MACROD2: variants seen among roughly 807,000 people sequenced by gnomAD.
MACROD2 encodes mono-ADP ribosylhydrolase 2.
MACROD2 carries 36 observed loss-of-function variants against 70.4 expected under a neutral mutation model. The ratio of observed to expected loss-of-function variants is 0.51; its 90% confidence interval spans 0.39 to 0.68. The LOEUF (loss-of-function observed/expected upper bound fraction) is 0.68, where lower values mean the gene tolerates loss of function less well. Ranked by LOEUF, MACROD2 falls within the 30% of genes least tolerant of loss-of-function variation. MACROD2 has a pLI of 0.00. For missense variants in MACROD2, 496 were observed against 538.4 expected, an observed-to-expected ratio of 0.92 and a Z score of 0.78; for synonymous variants, 172 against 178.8, an observed-to-expected ratio of 0.96 and a Z score of 0.30.
intron 5 of MACROD2, among the ~76,000 whole-genome samples, chr20:14,756,324 C>G (rs1009456834): frequency 5.3e-5 from 8 of 152,066 alleles, no homozygotes; most frequent in African/African-American, 1.9e-4. Context: ...ATAGTATTGT[C>G]TGACCACTTT....
chr20:15,325,398 T>A (rs1234360508), intron 6 of MACROD2, among the ~76,000 whole-genome samples: 2 of 152,182 alleles, frequency 1.3e-5, no homozygotes, highest in South Asian at 4.1e-4. Flanking sequence ...CTTGTAACAT[T>A]TGAGGCTCCC....
intron 5 of MACROD2, among the ~76,000 whole-genome samples, chr20:15,192,444 G>C (rs1014800450): frequency 2.0e-5 from 3 of 152,180 alleles, no homozygotes; most frequent in African/African-American, 7.2e-5. Flanking sequence ...CTGTGAGAGT[G>C]ATGTAGACCT....
At chr20:14,028,017 G>T (rs533808264) in intron 2 of MACROD2, among the ~76,000 whole-genome samples, 2 of 152,282 alleles carry the variant, frequency 1.3e-5, no homozygotes, top group East Asian at 1.9e-4. Context: ...GCTCACAGCC[G>T]CCCCTTCCCC....
chr20:14,721,992 A>T (rs77990477), intron 5 of MACROD2, among the ~76,000 whole-genome samples: 1 of 152,176 alleles, frequency 6.6e-6, no homozygotes, highest in African/African-American at 2.4e-5. Context: ...TCTGGGGCTC[A>T]GTTCCTGACT....
chr20:15,115,621 C>T (rs185855461), intron 5 of MACROD2, among the ~76,000 whole-genome samples: 20 of 152,178 alleles, frequency 1.3e-4, no homozygotes, highest in African/African-American at 4.3e-4. Flanking sequence ...AATCAGAATC[C>T]TGATTCTAAA....
chr20:13,998,117 C>T (rs1184938397), intron 1 of MACROD2, among the ~76,000 whole-genome samples: 1 of 152,042 alleles, frequency 6.6e-6, no homozygotes, highest in East Asian at 1.9e-4. Flanking sequence ...AGAGAAAGGA[C>T]TCATTGTAAA....
chr20:14,000,006 C>G (rs184889311), intron 1 of MACROD2, among the ~76,000 whole-genome samples: 1 of 152,282 alleles, frequency 6.6e-6, no homozygotes, highest in East Asian at 1.9e-4. Context: ...GAGCAAGACT[C>G]TGTCTCAAGA....
At chr20:14,876,638 T>C (rs2073554182) in intron 5 of MACROD2, among the ~76,000 whole-genome samples, 1 of 152,190 alleles carries the variant, frequency 6.6e-6, no homozygotes, top group Non-Finnish European at 1.5e-5. Context: ...AGTTACTTTT[T>C]GTATATGATG....
At chr20:15,461,000 A>ATTTTT (rs1451007880) in intron 7 of MACROD2, among the ~76,000 whole-genome samples, 2 of 69,256 alleles carry the variant, frequency 2.9e-5, no homozygotes, top group African/African-American at 1.3e-4. Flanking sequence ...ATATATATAT[A>ATTTTT]TATATATTTT....
chr20:15,841,733 C>T (rs2064172870), intron 8 of MACROD2, among the ~76,000 whole-genome samples: 1 of 152,022 alleles, frequency 6.6e-6, no homozygotes. Context: ...CAAACCATGT[C>T]AAGGGAGGAG....
chr20:15,750,009 A>G (rs1228153139), intron 8 of MACROD2, among the ~76,000 whole-genome samples: 3 of 152,124 alleles, frequency 2.0e-5, no homozygotes, highest in Non-Finnish European at 4.4e-5. Flanking sequence ...AAATAAGACT[A>G]CATTAAACTA....
At chr20:14,634,376 A>G (rs1444571408) in intron 4 of MACROD2, among the ~76,000 whole-genome samples, 1 of 152,206 alleles carries the variant, frequency 6.6e-6, no homozygotes, top group Non-Finnish European at 1.5e-5. Flanking sequence ...CATTTCTCAA[A>G]TGAATTTTGT....
intron 3 of MACROD2, among the ~76,000 whole-genome samples, chr20:14,095,612 G>C (rs1178354323): frequency 6.6e-6 from 1 of 152,096 alleles, no homozygotes; most frequent in Non-Finnish European, 1.5e-5. Context: ...ACCATCCTAA[G>C]CCATCTATCT....
At chr20:15,451,997 C>T (rs1218630520) in intron 7 of MACROD2, among the ~76,000 whole-genome samples, 6 of 152,092 alleles carry the variant, frequency 3.9e-5, no homozygotes, top group Non-Finnish European at 2.9e-5. Flanking sequence ...TGATGAATCT[C>T]AGGTTTGACA....
intron 8 of MACROD2, among the ~76,000 whole-genome samples, chr20:15,604,163 A>G (rs1021420389): frequency 6.6e-6 from 1 of 152,152 alleles, no homozygotes; most frequent in Non-Finnish European, 1.5e-5. Flanking sequence ...AGGCATGAGT[A>G]TAGAAAGGGG....
At chr20:14,582,689 T>C (rs1249774853) in intron 4 of MACROD2, among the ~76,000 whole-genome samples, 1 of 152,176 alleles carries the variant, frequency 6.6e-6, no homozygotes, top group African/African-American at 2.4e-5. Flanking sequence ...TTGTGTCTTC[T>C]GTTGCCCAGA....
At chr20:14,024,641 T>C (rs1162125820) in intron 2 of MACROD2, among the ~76,000 whole-genome samples, 1 of 152,220 alleles carries the variant, frequency 6.6e-6, no homozygotes, top group Non-Finnish European at 1.5e-5. Flanking sequence ...ATGTGGTTTT[T>C]GTTGTTGGTT....
intron 6 of MACROD2, among the ~76,000 whole-genome samples, chr20:15,283,598 G>T (rs2146092727): frequency 6.6e-6 from 1 of 152,162 alleles, no homozygotes; most frequent in African/African-American, 2.4e-5. Flanking sequence ...CTTGAACCTG[G>T]GAGGCAGAGG....
chr20:15,476,430 C>T (rs1050895849), intron 7 of MACROD2, among the ~76,000 whole-genome samples: 2 of 152,198 alleles, frequency 1.3e-5, no homozygotes, highest in Admixed American at 1.3e-4. Flanking sequence ...TGCTCAAAGT[C>T]ACTGATAGTC....
Sources: gnomAD v4.1 joint callset for allele counts (sites outside exome capture counted in the v4.1 genomes callset) on GRCh38, gnomAD v4.1.1 for gene constraint, MANE v1.5 for transcripts, NCBI Gene and HGNC (gene_info 2026-07-23, HGNC 2026-07-21) for gene names.